RIMS2: variants seen among roughly 807,000 people sequenced by gnomAD.
RIMS2 encodes regulating synaptic membrane exocytosis protein 2.
Under a neutral mutation model 174.4 loss-of-function variants are expected in RIMS2, and 59 were observed. The ratio of observed to expected loss-of-function variants is 0.34; its 90% CI spans 0.27 to 0.42. The LOEUF is 0.42. RIMS2 is among the 10% of genes least tolerant of loss of function. The probability of loss-of-function intolerance (pLI) is 1.00; values close to 1 mark genes in which losing one functional copy is unlikely to be tolerated. For missense variants in RIMS2, 1,620 were observed against 1,666.3 expected, an observed-to-expected ratio of 0.97 and a Z score of 0.48; for synonymous variants, 606 against 572.5, an observed-to-expected ratio of 1.06 and a Z score of -0.84.
intron 1 of RIMS2, among the ~76,000 whole-genome samples, chr8:103,526,074 G>C (rs1447310501): frequency 1.3e-5 from 2 of 152,202 alleles, no homozygotes; most frequent in African/African-American, 4.8e-5. Context: ...GAGAAGCTAA[G>C]AAGAGCTTTT....
At chr8:104,104,162 TAAG>T (rs1305357580) in intron 19 of RIMS2, among the ~76,000 whole-genome samples, 1 of 152,150 alleles carries the variant, frequency 6.6e-6, no homozygotes, top group East Asian at 1.9e-4. Flanking sequence ...CTCAATCACA[TAAG>T]AAGTAAGAAT....
chr8:104,215,897 A>G (rs983626822), intron 19 of RIMS2, among the ~76,000 whole-genome samples: 1 of 152,216 alleles, frequency 6.6e-6, no homozygotes, highest in African/African-American at 2.4e-5. Flanking sequence ...AAATAGGCAT[A>G]TATAGTAGTT....
chr8:103,733,152 C>A (rs1348806731), intron 2 of RIMS2, among the ~76,000 whole-genome samples: 1 of 151,986 alleles, frequency 6.6e-6, no homozygotes, highest in Non-Finnish European at 1.5e-5. Flanking sequence ...GGTGATGATT[C>A]CTGCCAGGAC....
intron 1 of RIMS2, among the ~76,000 whole-genome samples, chr8:103,545,936 T>A (rs1293950306): frequency 6.6e-6 from 1 of 152,084 alleles, no homozygotes; most frequent in Non-Finnish European, 1.5e-5. Context: ...AAAACACAAG[T>A]ACATAGATCA....
chr8:104,176,433 C>T (rs73301321), intron 19 of RIMS2, among the ~76,000 whole-genome samples: 226 of 152,184 alleles, frequency 1.5e-3, no homozygotes, highest in African/African-American at 5.0e-3. Flanking sequence ...TACAGCATTA[C>T]TGGCCTGGCA....
chr8:104,016,629 G>A (rs572250266), intron 19 of RIMS2, among the ~76,000 whole-genome samples: 49 of 152,116 alleles, frequency 3.2e-4, no homozygotes, highest in African/African-American at 1.1e-3. Flanking sequence ...GGAAAGTTTA[G>A]TAATATTTAT....
chr8:103,528,141 G>T (rs1835024195), intron 1 of RIMS2, among the ~76,000 whole-genome samples: 1 of 152,166 alleles, frequency 6.6e-6, no homozygotes, highest in Non-Finnish European at 1.5e-5. Flanking sequence ...CTGATGGCCA[G>T]TGATGATAAG....
At chr8:104,125,070 G>A (rs1367030048) in intron 19 of RIMS2, among the ~76,000 whole-genome samples, 1 of 152,032 alleles carries the variant, frequency 6.6e-6, no homozygotes, top group Non-Finnish European at 1.5e-5. Flanking sequence ...CAGCGGTAGA[G>A]GAAAGACTAA....
intron 2 of RIMS2, among the ~76,000 whole-genome samples, chr8:103,759,249 C>A (rs569379563): frequency 3.3e-5 from 5 of 152,298 alleles, no homozygotes; most frequent in African/African-American, 1.2e-4. Flanking sequence ...TCAGAATGAA[C>A]TTGGCAGCGG....
At chr8:104,189,232 A>G (rs1238833533) in intron 19 of RIMS2, among the ~76,000 whole-genome samples, 2 of 152,040 alleles carry the variant, frequency 1.3e-5, no homozygotes, top group African/African-American at 4.8e-5. Context: ...GAAACAAGGA[A>G]TGGGAAGAAG....
chr8:104,126,735 G>A (rs2098435069), intron 19 of RIMS2, among the ~76,000 whole-genome samples: 1 of 152,212 alleles, frequency 6.6e-6, no homozygotes, highest in African/African-American at 2.4e-5. Context: ...TTGTTTTTAT[G>A]TAGTGGAATC....
chr8:103,931,243 T>G lies in RIMS2; in HGVS notation c.2245-20T>G, dbSNP rs558635916. Reference sequence around the variant, plus strand: ...TGTAGTAAATGTTTGAATTGATAAATGAATATTTTTGCTTTTCAGATAAAA... The same window carrying G: ...TGTAGTAAATGTTTGAATTGATAAAGGAATATTTTTGCTTTTCAGATAAAA... On this transcript the variant is annotated intron_variant, in intron 11 of 23. Coordinates refer to ENST00000504942, the Ensembl canonical transcript of RIMS2. 22 of 1,562,720 alleles carry G rather than the reference T, an allele frequency of 1.4e-5. No homozygotes were observed. In the East Asian group the frequency reaches 4.3e-4, roughly 31 times the overall value.
chr8:103,503,773 T>A (rs574919434), intron 1 of RIMS2, among the ~76,000 whole-genome samples: 2 of 152,084 alleles, frequency 1.3e-5, no homozygotes, highest in South Asian at 4.1e-4. Flanking sequence ...TTATTAATAT[T>A]TAATATATAG....
At chr8:103,575,772 C>T (rs2093184113) in intron 1 of RIMS2, among the ~76,000 whole-genome samples, 1 of 151,292 alleles carries the variant, frequency 6.6e-6, no homozygotes, top group Non-Finnish European at 1.5e-5. Context: ...GTTCCTGAGA[C>T]TACAGAGAAT....
At chr8:103,880,402 T>C (rs1272472916) in intron 3 of RIMS2, 1 of 299,098 alleles carries the variant, frequency 3.3e-6, no homozygotes, top group Non-Finnish European at 6.1e-6. Flanking sequence ...TACAGCCACA[T>C]AGTAACAGCA....
At chr8:103,903,575 A>G (rs895071125) in intron 4 of RIMS2, among the ~76,000 whole-genome samples, 4 of 152,164 alleles carry the variant, frequency 2.6e-5, no homozygotes, top group Admixed American at 6.6e-5. Context: ...CAATAGAAGT[A>G]AGTGAAGGGG....
At chr8:103,569,789 AT>A (rs527413126) in intron 1 of RIMS2, among the ~76,000 whole-genome samples, 25,223 of 136,284 alleles carry the variant, frequency 0.19, 2,123 homozygotes, top group African/African-American at 0.24. Context: ...GCTAATTTTA[AT>A]TTTTTTTTTT....
In RIMS2 at chr8:103,617,995, C is replaced by T. The variant is rs139528342; in HGVS notation, c.177-79091C>T. 1.4e-4 allele frequency among the ~76,000 whole-genome samples: 22 copies of T among 152,202 alleles called. No individual in the cohort carries two copies. The East Asian group carries it at 3.5e-3, about 24-fold the overall frequency. On this transcript the variant is annotated intron_variant, in intron 1 of 23. Coordinates refer to ENST00000504942, the Ensembl canonical transcript of RIMS2. ...GAAATACCATTTGACCCAGCAATCC[C>T]ATAGGAATATAAATCATTTCACTGT... is the stretch of plus-strand genomic sequence containing the variant.
intron 19 of RIMS2, among the ~76,000 whole-genome samples, chr8:104,185,941 A>G (rs1392384681): frequency 1.3e-5 from 2 of 151,716 alleles, no homozygotes; most frequent in Non-Finnish European, 3.0e-5. Flanking sequence ...TATGTTTATC[A>G]TGGCACTATT....
Sources: allele counts gnomAD v4.1 joint callset (sites outside exome capture counted in the v4.1 genomes callset), GRCh38; gene constraint gnomAD v4.1.1; transcripts MANE v1.5; gene names NCBI Gene and HGNC (gene_info 2026-07-23, HGNC 2026-07-21).